PRKG1: variants seen among roughly 807,000 people sequenced by gnomAD.
PRKG1 encodes the protein protein kinase cGMP-dependent 1.
PRKG1 carries 35 observed loss-of-function variants against 88.1 expected under a neutral mutation model. The ratio of observed to expected loss-of-function variants is 0.40; its 90% confidence interval spans 0.30 to 0.53. The LOEUF is 0.53. PRKG1 is among the 20% of genes least tolerant of loss of function. PRKG1 has a pLI of 0.59. For synonymous variants in PRKG1, 303 were observed against 292.5 expected, an observed-to-expected ratio of 1.04 and a Z score of -0.37; for missense variants, 540 against 839.8, an observed-to-expected ratio of 0.64 and a Z score of 4.41.
chr10:51,304,209 C>T (rs1195573829), intron 2 of PRKG1, among the ~76,000 whole-genome samples: 2 of 152,056 alleles, frequency 1.3e-5, no homozygotes, highest in African/African-American at 4.8e-5. Flanking sequence ...GAGAAATACA[C>T]TAATAAAAAT....
rs796568719 is a variant in PRKG1, at chr10:51,540,014, A to G, written c.592+72178A>G. ...TTGAAAATATGTTTCTTATTAGCTC[A>G]AGAGATAAGTGTGTGTCTTCTCAGT... On this transcript the variant is annotated intron_variant, in intron 3 of 17. Transcript: ENST00000373980. Among the ~76,000 whole-genome samples, 3 of 152,268 alleles carry G rather than the reference A, an allele frequency of 2.0e-5. 1 individual carries two copies. Among genetic ancestry groups the G allele is most frequent in the Admixed American group, 6.5e-5 (1 of 15,280 alleles).
chr10:52,078,314 A>G (rs1013371544), intron 7 of PRKG1, among the ~76,000 whole-genome samples: 3 of 152,236 alleles, frequency 2.0e-5, no homozygotes, highest in Non-Finnish European at 4.4e-5. Flanking sequence ...TAAAATAACC[A>G]CTAATTATTT....
intron 5 of PRKG1, chr10:51,911,111 G>C (rs2132954450): frequency 6.6e-6 from 1 of 152,268 alleles, no homozygotes; most frequent in South Asian, 2.1e-4. Context: ...CTATGTTCAA[G>C]TATAAAAAAT....
At chr10:51,057,488 T>C (rs1307662379) in intron 1 of PRKG1, among the ~76,000 whole-genome samples, 1 of 152,194 alleles carries the variant, frequency 6.6e-6, no homozygotes, top group East Asian at 1.9e-4. Context: ...CTTACAGCAG[T>C]ATAATCACCA....
chr10:51,815,018 TA>T (rs1184227414), intron 4 of PRKG1, among the ~76,000 whole-genome samples: 1 of 152,164 alleles, frequency 6.6e-6, no homozygotes, highest in Non-Finnish European at 1.5e-5. Flanking sequence ...AGTCCTCAGC[TA>T]AGGGACTTAA....
chr10:52,270,489 G>T (rs1216134885), intron 10 of PRKG1, among the ~76,000 whole-genome samples: 1 of 152,018 alleles, frequency 6.6e-6, no homozygotes, highest in East Asian at 1.9e-4. Context: ...AACAATGATA[G>T]ACTGGATTAA....
At chr10:51,840,359 C>T (rs182431331) in intron 4 of PRKG1, among the ~76,000 whole-genome samples, 8,633 of 151,754 alleles carry the variant, frequency 0.057, 329 homozygotes, top group Non-Finnish European at 0.087. Flanking sequence ...AGAGGTAATG[C>T]CTTTACAATT....
intron 2 of PRKG1, among the ~76,000 whole-genome samples, chr10:51,418,504 G>A (rs143267431): frequency 6.6e-6 from 1 of 152,194 alleles, no homozygotes; most frequent in East Asian, 1.9e-4. Flanking sequence ...TATAACATAC[G>A]GACCTAACTA....
chr10:51,558,923 T>C (rs1333101347), intron 3 of PRKG1, among the ~76,000 whole-genome samples: 2 of 152,208 alleles, frequency 1.3e-5, no homozygotes, highest in African/African-American at 4.8e-5. Flanking sequence ...TTCTATAGTT[T>C]CAGTTACCCA....
intron 4 of PRKG1, among the ~76,000 whole-genome samples, chr10:51,843,960 G>C (rs568775256): frequency 6.4e-4 from 98 of 152,198 alleles, no homozygotes; most frequent in African/African-American, 2.3e-3. Context: ...AGAAAATGAT[G>C]TCTTCATGTT....
intron 4 of PRKG1, among the ~76,000 whole-genome samples, chr10:51,810,575 A>C (rs1299501690): frequency 2.0e-5 from 3 of 152,310 alleles, no homozygotes; most frequent in African/African-American, 7.2e-5. Context: ...ATTACTAGGT[A>C]GTGAGCCCCA....
chr10:51,613,174 T>G (rs1186391245), intron 3 of PRKG1, among the ~76,000 whole-genome samples: 2 of 152,048 alleles, frequency 1.3e-5, no homozygotes, highest in Non-Finnish European at 2.9e-5. Flanking sequence ...TTGAAAACTT[T>G]TTATTACTGA....
At chr10:51,398,542 T>C (rs1471892570) in intron 2 of PRKG1, among the ~76,000 whole-genome samples, 2 of 151,954 alleles carry the variant, frequency 1.3e-5, no homozygotes, top group Non-Finnish European at 2.9e-5. Flanking sequence ...GGCTAAAGAG[T>C]GACCATGGCA....
intron 5 of PRKG1, among the ~76,000 whole-genome samples, chr10:51,963,487 T>A (rs1843494757): frequency 6.6e-6 from 1 of 151,944 alleles, no homozygotes; most frequent in Non-Finnish European, 1.5e-5. Context: ...TAAGAGAGAG[T>A]CTTGCTCTGT....
chr10:51,384,600 C>A (rs1837199613), intron 2 of PRKG1, among the ~76,000 whole-genome samples: 1 of 152,162 alleles, frequency 6.6e-6, no homozygotes, highest in African/African-American at 2.4e-5. Flanking sequence ...CACCCACCCA[C>A]TTGCTCCCTG....
intron 3 of PRKG1, among the ~76,000 whole-genome samples, chr10:51,562,289 T>A (rs1756854409): frequency 6.6e-6 from 1 of 152,028 alleles, no homozygotes; most frequent in African/African-American, 2.4e-5. Flanking sequence ...CAGGTTTTCA[T>A]CTTTTGCAAG....
At chr10:51,633,822 G>A (rs1839587545) in intron 3 of PRKG1, among the ~76,000 whole-genome samples, 1 of 152,078 alleles carries the variant, frequency 6.6e-6, no homozygotes. Flanking sequence ...ACAGCATGTA[G>A]ACCAAACAAA....
At chr10:51,737,458 T>C (rs1720565315) in intron 3 of PRKG1, among the ~76,000 whole-genome samples, 1 of 152,210 alleles carries the variant, frequency 6.6e-6, no homozygotes, top group South Asian at 2.1e-4. Flanking sequence ...GCTTTCAATC[T>C]AATTGAGAGA....
intron 4 of PRKG1, among the ~76,000 whole-genome samples, chr10:51,811,782 A>C (rs1447896655): frequency 9.9e-5 from 15 of 152,146 alleles, no homozygotes; most frequent in Non-Finnish European, 1.5e-5. Context: ...ATATCCTCTA[A>C]GGAAAGAGAA....
Sources: allele counts gnomAD v4.1 joint callset (sites outside exome capture counted in the v4.1 genomes callset), GRCh38; gene constraint gnomAD v4.1.1; transcripts MANE v1.5; gene names NCBI Gene and HGNC (gene_info 2026-07-23, HGNC 2026-07-21).